Variants in SUGCT observed in about 807,000 individuals in gnomAD.
SUGCT encodes succinyl-CoA:glutarate-CoA transferase.
A neutral mutation model predicts 55.0 loss-of-function variants in SUGCT; 41 were observed. The ratio of observed to expected loss-of-function variants is 0.74; its 90% CI spans 0.58 to 0.97. The LOEUF is 0.97. Ranked by LOEUF, SUGCT falls within the 50% of genes least tolerant of loss-of-function variation. The pLI is 0.00. For missense variants in SUGCT, 568 were observed against 547.8 expected, an observed-to-expected ratio of 1.04 and a Z score of -0.37; for synonymous variants, 187 against 200.4, an observed-to-expected ratio of 0.93 and a Z score of 0.56.
At chr7:40,809,737 G>A (rs2128756404) in intron 13 of SUGCT, among the ~76,000 whole-genome samples, 1 of 152,214 alleles carries the variant, frequency 6.6e-6, no homozygotes, top group Non-Finnish European at 1.5e-5. Flanking sequence ...CCCAGGTACT[G>A]AGCATAGTAC....
chr7:40,302,628 G>C (rs1794600256), intron 8 of SUGCT, among the ~76,000 whole-genome samples: 1 of 152,138 alleles, frequency 6.6e-6, no homozygotes, highest in Non-Finnish European at 1.5e-5. Flanking sequence ...AGCTCATGGA[G>C]GTTGTGGGTT....
At chr7:40,854,667 T>A (rs1164645407) in intron 13 of SUGCT, among the ~76,000 whole-genome samples, 1 of 151,844 alleles carries the variant, frequency 6.6e-6, no homozygotes, top group East Asian at 1.9e-4. Context: ...AGTTGAAAGG[T>A]GGACATGGAT....
intron 12 of SUGCT, among the ~76,000 whole-genome samples, chr7:40,719,576 C>T (rs915881152): frequency 2.0e-5 from 3 of 152,110 alleles, no homozygotes; most frequent in African/African-American, 7.2e-5. Context: ...AAAAGATTTT[C>T]AGAACTGAAA....
chr7:40,872,815 G>A, the SUGCT span, among the ~76,000 whole-genome samples: 1 of 152,206 alleles, frequency 6.6e-6, no homozygotes, highest in Non-Finnish European at 1.5e-5. Flanking sequence ...TGTTTACAAA[G>A]TTAAGAAATA....
At chr7:40,840,076 A>G (rs1793198122) in intron 13 of SUGCT, among the ~76,000 whole-genome samples, 1 of 152,120 alleles carries the variant, frequency 6.6e-6, no homozygotes, top group Non-Finnish European at 1.5e-5. Flanking sequence ...AAAGTGTGAA[A>G]CTGAGGTTTT....
chr7:40,169,788 C>A (rs1784587905), intron 1 of SUGCT, among the ~76,000 whole-genome samples: 1 of 151,792 alleles, frequency 6.6e-6, no homozygotes, highest in Non-Finnish European at 1.5e-5. Context: ...TCCTCCTGAT[C>A]TCTATTATAA....
intron 12 of SUGCT, among the ~76,000 whole-genome samples, 181 bp from the exon 13 acceptor site, chr7:40,749,253 G>A (rs1787887225): frequency 6.6e-6 from 1 of 152,136 alleles, no homozygotes; most frequent in Admixed American, 6.5e-5. Flanking sequence ...TTCATTTGGT[G>A]TATTATAGGA....
the SUGCT span, among the ~76,000 whole-genome samples, chr7:40,903,456 A>C: frequency 1.3e-5 from 2 of 152,190 alleles, no homozygotes; most frequent in Non-Finnish European, 2.9e-5. Flanking sequence ...AGCCTTTGCT[A>C]GGACACCAGT....
chr7:40,932,862 C>G, the SUGCT span, among the ~76,000 whole-genome samples: 1 of 151,816 alleles, frequency 6.6e-6, no homozygotes, highest in Middle Eastern at 3.4e-3. Context: ...ATACAGCACA[C>G]TGATGGGTTT....
intron 7 of SUGCT, among the ~76,000 whole-genome samples, chr7:40,248,821 T>G (rs1790087116): frequency 6.6e-6 from 1 of 152,038 alleles, no homozygotes; most frequent in African/African-American, 2.4e-5. Context: ...AAACCTGTTT[T>G]AAGTTAGAAA....
chr7:40,706,114 C>T (rs1785386151), intron 12 of SUGCT, among the ~76,000 whole-genome samples: 1 of 151,682 alleles, frequency 6.6e-6, no homozygotes, highest in African/African-American at 2.4e-5. Context: ...TACAGCATTT[C>T]CTTTATTCTA....
chr7:40,980,231 A>G, the SUGCT span, among the ~76,000 whole-genome samples: 1 of 152,142 alleles, frequency 6.6e-6, no homozygotes, highest in African/African-American at 2.4e-5. Context: ...AGAGCTCCAC[A>G]CTTATTATCT....
chr7:40,323,831 T>A (rs1795872411), intron 9 of SUGCT, among the ~76,000 whole-genome samples: 1 of 152,192 alleles, frequency 6.6e-6, no homozygotes, highest in South Asian at 2.1e-4. Context: ...TATGCTACTT[T>A]GCTGATGATC....
intron 10 of SUGCT, among the ~76,000 whole-genome samples, chr7:40,452,965 CAACTT>C (rs1362636938): frequency 6.6e-6 from 1 of 152,182 alleles, no homozygotes; most frequent in Non-Finnish European, 1.5e-5. Context: ...AACTGGCAGT[CAACTT>C]AACCAGCTTT....
the SUGCT span, among the ~76,000 whole-genome samples, chr7:40,986,313 C>G: frequency 1.3e-5 from 2 of 152,104 alleles, no homozygotes; most frequent in Non-Finnish European, 1.5e-5. Context: ...TAAGACATGT[C>G]AAAATGAATA....
chr7:40,163,559 C>T (rs970985228), intron 1 of SUGCT, among the ~76,000 whole-genome samples: 11 of 149,754 alleles, frequency 7.3e-5, no homozygotes, highest in African/African-American at 2.0e-4. Context: ...GAGCTGAGAT[C>T]GCGCCACTGC....
intron 1 of SUGCT, among the ~76,000 whole-genome samples, chr7:40,143,601 A>G (rs1788098209): frequency 6.6e-6 from 1 of 152,238 alleles, no homozygotes; most frequent in African/African-American, 2.4e-5. Flanking sequence ...CAGACGGAAT[A>G]TTTGATCCAT....
At chr7:40,531,067 G>T (rs901714071) in intron 12 of SUGCT, among the ~76,000 whole-genome samples, 1 of 152,178 alleles carries the variant, frequency 6.6e-6, no homozygotes, top group Non-Finnish European at 1.5e-5. Context: ...AAGTCTCAAT[G>T]AATTAGTCCC....
At chr7:40,747,206 A>G (rs941342104) in intron 12 of SUGCT, among the ~76,000 whole-genome samples, 8 of 152,172 alleles carry the variant, frequency 5.3e-5, no homozygotes, top group Admixed American at 1.3e-4. Context: ...ATCATCCTCA[A>G]TGAGGGAGGT....
Sources: gnomAD v4.1 joint callset for allele counts (sites outside exome capture counted in the v4.1 genomes callset) on GRCh38, gnomAD v4.1.1 for gene constraint, MANE v1.5 for transcripts, NCBI Gene and HGNC (gene_info 2026-07-23, HGNC 2026-07-21) for gene names.